Variants in ACAD11 observed in about 807,000 individuals in gnomAD.
ACAD11 encodes acyl-CoA dehydrogenase family member 11.
Under a neutral mutation model 102.2 loss-of-function variants are expected in ACAD11, and 83 were observed. The observed-to-expected ratio is 0.81, with a 90% CI of 0.68 to 0.97. The LOEUF is 0.97. Ranked by LOEUF, ACAD11 falls within the 50% of genes least tolerant of loss-of-function variation. ACAD11 has a pLI of 0.00. For synonymous variants in ACAD11, 324 were observed against 319.8 expected (o/e 1.01, Z -0.14); for missense variants, 901 against 951.7 (o/e 0.95, Z 0.70).
At chr3:132,657,589 A>C (rs181967677) in intron 1 of ACAD11, among the ~76,000 whole-genome samples, 20 of 152,310 alleles carry the variant, frequency 1.3e-4, no homozygotes, top group Admixed American at 3.3e-4. Flanking sequence ...AATTCTTTTT[A>C]AGGTCCTAAT....
At chr3:132,656,495 A>ATTT (rs34116314) in intron 1 of ACAD11, among the ~76,000 whole-genome samples, 5 of 145,828 alleles carry the variant, frequency 3.4e-5, no homozygotes, top group African/African-American at 2.5e-5. Context: ...ATATTGTCAG[A>ATTT]TTTTTTTTTT....
At chr3:132,619,270 T>C (rs1179540966) in intron 10 of ACAD11, among the ~76,000 whole-genome samples, 198 bp downstream of exon 10, 1 of 152,220 alleles carries the variant, frequency 6.6e-6, no homozygotes, top group Non-Finnish European at 1.5e-5. Flanking sequence ...TAAGAGGTTG[T>C]CTTCATTACT....
intron 13 of ACAD11, among the ~76,000 whole-genome samples, chr3:132,593,038 T>TA (rs1264503792): frequency 6.6e-5 from 10 of 151,398 alleles, no homozygotes; most frequent in Non-Finnish European, 1.3e-4. Context: ...AGTTGAAAAT[T>TA]AAAAAAAACC....
intron 1 of ACAD11, chr3:132,650,026 T>C (rs1003992135): frequency 1.3e-5 from 2 of 152,172 alleles, no homozygotes; most frequent in Admixed American, 1.3e-4. Flanking sequence ...AAACACTGAG[T>C]ATTTGGTCCA....
chr3:132,579,049 G>A (rs1937562324), intron 14 of ACAD11, 168 bp from the exon 15 acceptor site: 1 of 1,508,682 alleles, frequency 6.6e-7, no homozygotes, highest in South Asian at 1.2e-5. Flanking sequence ...TCTGATGCAG[G>A]CTGTGATCTG....
chr3:132,566,524 C>T (rs1403311946), intron 17 of ACAD11, among the ~76,000 whole-genome samples: 1 of 152,054 alleles, frequency 6.6e-6, no homozygotes, highest in African/African-American at 2.4e-5. Context: ...CATACCAACA[C>T]ACATCATGAT....
rs540897959 is a variant in ACAD11 at position 132,605,180 on chromosome 3, G to A, written c.1440C>T (p.His480=). ...TCTTCTGTTCCTCACTTCCATACAG[G>A]TGCAGAACCTCCATATTCCCTGTGT... ...APDTGNMEVL[H]LYGSEEQKKQ... The change falls in exon 12 of 20, where the codon CAC becomes CAT. Residue 480 remains histidine, a synonymous_variant. Coordinates refer to ENST00000264990, the MANE Select transcript of ACAD11 (RefSeq NM_032169.5). The A allele has an allele frequency of 2.0e-4, 330 of 1,612,970 alleles. 4 individuals carry two copies. In the South Asian group the frequency reaches 3.5e-3, roughly 17 times the overall value.
At chr3:132,564,893 T>C (rs11721324) in intron 17 of ACAD11, among the ~76,000 whole-genome samples, 15,067 of 152,098 alleles carry the variant, frequency 0.099, 1,385 homozygotes, top group East Asian at 0.54. Context: ...AGTGGTGTGT[T>C]TCCTAGGTTT....
At chr3:132,651,436 T>C (rs1345267082) in intron 1 of ACAD11, among the ~76,000 whole-genome samples, 2 of 152,244 alleles carry the variant, frequency 1.3e-5, no homozygotes, top group Admixed American at 6.5e-5. Flanking sequence ...CCACCAGTGA[T>C]ATTTTCCTTG....
intron 17 of ACAD11, among the ~76,000 whole-genome samples, chr3:132,569,797 T>C: frequency 6.6e-6 from 1 of 152,136 alleles, no homozygotes; most frequent in East Asian, 1.9e-4. Flanking sequence ...TGCCAGGAGT[T>C]AATGAGAAGG....
chr3:132,609,987 T>A (rs746163934), intron 11 of ACAD11, among the ~76,000 whole-genome samples: 6 of 152,192 alleles, frequency 3.9e-5, no homozygotes, highest in Admixed American at 1.3e-4. Context: ...TGCAAACCAA[T>A]CGATGTAATC....
chr3:132,582,083 T>C (rs1251911867), intron 13 of ACAD11, among the ~76,000 whole-genome samples: 1 of 151,954 alleles, frequency 6.6e-6, no homozygotes, highest in Non-Finnish European at 1.5e-5. Context: ...AGAGCTTGAA[T>C]AGAATCTGTG....
At chr3:132,595,518 C>T (rs111608953) in intron 13 of ACAD11, among the ~76,000 whole-genome samples, 5,550 of 152,168 alleles carry the variant, frequency 0.036, 322 homozygotes, top group African/African-American at 0.13. Context: ...AAAGAGACAA[C>T]TTACAGAATG....
Position 132,626,824 on chromosome 3 carries a change from C to CA in ACAD11, c.1071-8dup. The CA allele has an allele frequency of 6.3e-7, 1 of 1,590,482 alleles. No individual in the cohort carries two copies. The highest frequency in any genetic ancestry group is 1.8e-5 in the Admixed American group (1 of 54,086). ...TAGTACAGTACTGAAAGTTCTTTGC[C>CA]AAAAGAAAAAAGGAAAAAAAGGTTA... On this transcript the variant is annotated splice_polypyrimidine_tract_variant and splice_region_variant and intron_variant, in intron 8 of 19. Coordinates refer to ENST00000264990, the MANE Select transcript of ACAD11 (RefSeq NM_032169.5).
intron 12 of ACAD11, among the ~76,000 whole-genome samples, chr3:132,603,908 C>T (rs1319948749): frequency 6.6e-6 from 1 of 152,166 alleles, no homozygotes; most frequent in African/African-American, 2.4e-5. Context: ...TCTGCACTTG[C>T]TAATATGACA....
At chr3:132,560,343 A>G (rs1050645309) in intron 18 of ACAD11, among the ~76,000 whole-genome samples, 17 of 152,168 alleles carry the variant, frequency 1.1e-4, no homozygotes, top group Non-Finnish European at 8.8e-5. Flanking sequence ...GAAACATAAG[A>G]AAGCAAAGGA....
intron 1 of ACAD11, 181 bp downstream of exon 1, chr3:132,659,422 G>C: frequency 1.3e-6 from 1 of 748,822 alleles, no homozygotes; most frequent in East Asian, 3.1e-5. Context: ...CCTCCAATTG[G>C]GAAGCCCCCA....
intron 17 of ACAD11, among the ~76,000 whole-genome samples, chr3:132,567,369 C>A (rs998394196): frequency 6.6e-6 from 1 of 151,784 alleles, no homozygotes; most frequent in Non-Finnish European, 1.5e-5. Flanking sequence ...AATGATGACA[C>A]CAATAGACTT....
intron 17 of ACAD11, among the ~76,000 whole-genome samples, chr3:132,569,526 C>T (rs1210881214): frequency 6.6e-6 from 1 of 152,148 alleles, no homozygotes; most frequent in African/African-American, 2.4e-5. Flanking sequence ...CAAATGTTTA[C>T]AGCAATTTTA....
Sources: allele counts gnomAD v4.1 joint callset (sites outside exome capture counted in the v4.1 genomes callset), GRCh38; gene constraint gnomAD v4.1.1; transcripts MANE v1.5; gene names NCBI Gene and HGNC (gene_info 2026-07-23, HGNC 2026-07-21).